The following PEBP4 variants were observed in gnomAD, a reference collection of about 807,000 sequenced individuals.
PEBP4 encodes the protein phosphatidylethanolamine-binding protein 4.
Under a neutral mutation model 23.9 loss-of-function variants are expected in PEBP4, and 22 were observed. The observed-to-expected ratio is 0.92, with a 90% CI of 0.66 to 1.31. The LOEUF (loss-of-function observed/expected upper bound fraction) is 1.31. Ranked by LOEUF, PEBP4 falls within the 40% of genes most tolerant of loss-of-function variation. PEBP4 has a pLI of 0.00. For missense variants in PEBP4, 324 were observed against 281.7 expected, an observed-to-expected ratio of 1.15 and a Z score of -1.07; for synonymous variants, 112 against 99.3, an observed-to-expected ratio of 1.13 and a Z score of -0.76.
At chr8:22,783,147 C>T (rs1805961447) in intron 4 of PEBP4, among the ~76,000 whole-genome samples, 1 of 152,172 alleles carries the variant, frequency 6.6e-6, no homozygotes, top group Admixed American at 6.5e-5. Context: ...AGGGTTGGGG[C>T]AACCCAGGAC....
At chr8:22,796,384 C>G (rs1047171523) in intron 4 of PEBP4, among the ~76,000 whole-genome samples, 2 of 152,154 alleles carry the variant, frequency 1.3e-5, no homozygotes, top group African/African-American at 2.4e-5. Context: ...ATACAGTGCC[C>G]AGCAGAGTGC....
At chr8:22,904,659 T>C (rs1457904276) in intron 3 of PEBP4, among the ~76,000 whole-genome samples, 1 of 152,236 alleles carries the variant, frequency 6.6e-6, no homozygotes, top group Non-Finnish European at 1.5e-5. Context: ...TGATATATTC[T>C]CCGTTCGCCT....
chr8:22,852,372 C>T (rs10091743), intron 3 of PEBP4, among the ~76,000 whole-genome samples: 5,012 of 152,152 alleles, frequency 0.033, 282 homozygotes, highest in African/African-American at 0.11. Context: ...TCTGATTACA[C>T]GAACACATTT....
intron 1 of PEBP4, among the ~76,000 whole-genome samples, chr8:22,934,466 T>G (rs953963384): frequency 1.3e-5 from 2 of 151,388 alleles, no homozygotes; most frequent in African/African-American, 4.9e-5. Context: ...AAATGAGAAG[T>G]GAATAAAACA....
intron 1 of PEBP4, among the ~76,000 whole-genome samples, chr8:22,939,840 A>G (rs546446249): frequency 6.6e-6 from 1 of 152,320 alleles, no homozygotes; most frequent in African/African-American, 2.4e-5. Flanking sequence ...GCTGGGGGCC[A>G]GGACCTTCCC....
At chr8:22,787,102 G>A (rs541189728) in intron 4 of PEBP4, among the ~76,000 whole-genome samples, 51 of 152,342 alleles carry the variant, frequency 3.3e-4, no homozygotes, top group Admixed American at 1.3e-3. Flanking sequence ...GGGATTACAG[G>A]CGTAAGCCAC....
At chr8:22,840,481 A>G (rs1265419391) in intron 3 of PEBP4, among the ~76,000 whole-genome samples, 1 of 151,354 alleles carries the variant, frequency 6.6e-6, no homozygotes, top group Non-Finnish European at 1.5e-5. Flanking sequence ...GGCCCAAGCA[A>G]TCTTCCTGCC....
At position 22,713,388 on chromosome 8, in the gene PEBP4, C is replaced by T. The variant is rs3087803; in HGVS notation, c.666G>A (p.Ala222=). The T allele has an allele frequency of 0.098, 156,100 of 1,592,020 alleles. 9,294 individuals carry two copies. Among genetic ancestry groups the T allele is most frequent in the East Asian group, 0.29 (13,078 of 44,664 alleles). Residue 222 remains alanine, a synonymous_variant, in exon 7 of 7, where the codon GCG becomes GCA. Coordinates refer to ENST00000256404, the MANE Select transcript of PEBP4 (RefSeq NM_144962.3). ...CGGCTATCTAGCAGGCAGCTATCTC[C>T]GCCTGGTTTTTGTGCTTGGGCTCGC... ...RASEPKHKNQ[A]EIAAC
At chr8:22,722,366 C>T (rs1273623798) in intron 6 of PEBP4, among the ~76,000 whole-genome samples, 1 of 152,160 alleles carries the variant, frequency 6.6e-6, no homozygotes, top group African/African-American at 2.4e-5. Context: ...AACTGAGGCC[C>T]AGCGAGGTTC....
At chr8:22,783,688 TGTTTG>T (rs2128755645) in intron 4 of PEBP4, among the ~76,000 whole-genome samples, 1 of 152,320 alleles carries the variant, frequency 6.6e-6, no homozygotes, top group Admixed American at 6.5e-5. Flanking sequence ...TGTTTTGTTT[TGTTTG>T]AGATGGAGTC....
At chr8:22,730,813 C>T (rs572282110) in intron 4 of PEBP4, among the ~76,000 whole-genome samples, 1 of 152,300 alleles carries the variant, frequency 6.6e-6, no homozygotes, top group Admixed American at 6.5e-5. Flanking sequence ...TGGGCTTTCT[C>T]ACCGTTTAGA....
chr8:22,759,789 T>C (rs1283957733), intron 4 of PEBP4, among the ~76,000 whole-genome samples: 5 of 152,198 alleles, frequency 3.3e-5, no homozygotes, highest in Non-Finnish European at 5.9e-5. Context: ...TGCCGTCTCA[T>C]GGCTGGTTCC....
intron 4 of PEBP4, among the ~76,000 whole-genome samples, chr8:22,735,121 C>G (rs7008014): frequency 6.6e-6 from 1 of 152,132 alleles, no homozygotes; most frequent in African/African-American, 2.4e-5. Flanking sequence ...GAATGAGAGG[C>G]CCTGTGTTGG....
chr8:22,789,729 A>G (rs1806098469), intron 4 of PEBP4, among the ~76,000 whole-genome samples: 1 of 152,206 alleles, frequency 6.6e-6, no homozygotes, highest in South Asian at 2.1e-4. Flanking sequence ...TGTCTTCTTA[A>G]GAAATGGATG....
intron 3 of PEBP4, among the ~76,000 whole-genome samples, chr8:22,915,607 G>A (rs1226922528): frequency 6.6e-6 from 1 of 152,176 alleles, no homozygotes; most frequent in Non-Finnish European, 1.5e-5. Context: ...TAATATTTAC[G>A]AAGTGAGTCA....
intron 4 of PEBP4, among the ~76,000 whole-genome samples, chr8:22,746,353 G>C (rs750978862): frequency 7.2e-5 from 11 of 152,156 alleles, no homozygotes; most frequent in Non-Finnish European, 1.5e-4. Context: ...AAAGCCACCA[G>C]GTGTTGTCTC....
At chr8:22,736,989 C>T (rs572639669) in intron 4 of PEBP4, among the ~76,000 whole-genome samples, 3 of 152,238 alleles carry the variant, frequency 2.0e-5, no homozygotes, top group South Asian at 2.1e-4. Flanking sequence ...AGCATGAGAC[C>T]GCAAAGCTGA....
intron 3 of PEBP4, among the ~76,000 whole-genome samples, chr8:22,919,178 T>C (rs1326303978): frequency 6.6e-6 from 1 of 152,212 alleles, no homozygotes; most frequent in Non-Finnish European, 1.5e-5. Context: ...TGGGCTTAGC[T>C]GACTGCATGA....
intron 4 of PEBP4, among the ~76,000 whole-genome samples, chr8:22,730,274 C>T (rs1407981613): frequency 6.6e-6 from 1 of 152,232 alleles, no homozygotes; most frequent in Non-Finnish European, 1.5e-5. Context: ...CAACAGCTCA[C>T]ACCTGTAATC....
Sources: allele counts gnomAD v4.1 joint callset (sites outside exome capture counted in the v4.1 genomes callset), GRCh38; gene constraint gnomAD v4.1.1; transcripts MANE v1.5; gene names NCBI Gene and HGNC (gene_info 2026-07-23, HGNC 2026-07-21).